PDGFC: variants seen among roughly 807,000 people sequenced by gnomAD.
The protein encoded by PDGFC is platelet-derived growth factor C.
Under a neutral mutation model 35.5 loss-of-function variants are expected in PDGFC, and 12 were observed. The observed-to-expected ratio is 0.34, with a 90% CI of 0.22 to 0.55. The LOEUF is 0.55. Among genes scored for constraint, PDGFC ranks in the 20% least tolerant of loss-of-function variants. PDGFC has a pLI of 0.91. For missense variants in PDGFC, 322 were observed against 412.4 expected, an observed-to-expected ratio of 0.78 and a Z score of 1.90; for synonymous variants, 159 against 148.8, an observed-to-expected ratio of 1.07 and a Z score of -0.50.
intron 1 of PDGFC, among the ~76,000 whole-genome samples, chr4:156,907,372 A>C (rs1730938954): frequency 6.6e-6 from 1 of 152,220 alleles, no homozygotes; most frequent in African/African-American, 2.4e-5. Flanking sequence ...GCATGCCAAA[A>C]ATGCAAACAA....
At chr4:156,919,372 A>G (rs903780846) in intron 1 of PDGFC, among the ~76,000 whole-genome samples, 2 of 152,212 alleles carry the variant, frequency 1.3e-5, no homozygotes, top group Admixed American at 1.3e-4. Flanking sequence ...GAAATGGGGC[A>G]GTACAAATAA....
chr4:156,822,872 C>G (rs936441759), intron 2 of PDGFC, among the ~76,000 whole-genome samples: 1 of 152,026 alleles, frequency 6.6e-6, no homozygotes. Flanking sequence ...CAGGTTCAAG[C>G]GATTCTCCTG....
intron 5 of PDGFC, among the ~76,000 whole-genome samples, chr4:156,765,066 C>G (rs1223507304): frequency 1.3e-5 from 2 of 152,194 alleles, no homozygotes; most frequent in African/African-American, 4.8e-5. Flanking sequence ...GAATCAAAGT[C>G]TCCTGTCTTT....
At chr4:156,811,100 G>A in intron 2 of PDGFC, 83 bp from the exon 3 acceptor site, 1 of 833,056 alleles carries the variant, frequency 1.2e-6, no homozygotes, top group Non-Finnish European at 1.9e-6. Flanking sequence ...TGGGTGCTAT[G>A]ACTCTACGGA....
intron 1 of PDGFC, among the ~76,000 whole-genome samples, chr4:156,939,795 A>C (rs1048135195): frequency 6.6e-6 from 1 of 152,084 alleles, no homozygotes; most frequent in Non-Finnish European, 1.5e-5. Context: ...GATAATACAA[A>C]ACTTCTAAAA....
chr4:156,832,804 G>A (rs926198940), intron 2 of PDGFC, among the ~76,000 whole-genome samples: 5 of 152,204 alleles, frequency 3.3e-5, no homozygotes, highest in African/African-American at 1.2e-4. Flanking sequence ...ATGTCGGTCT[G>A]CAGGGCCTGC....
At position 156,934,653 on chromosome 4, in the gene PDGFC, T is replaced by G. The variant is rs141747724; in HGVS notation, c.118+36133A>C. On this transcript the variant is annotated intron_variant, in intron 1 of 5. Coordinates refer to ENST00000502773, the MANE Select transcript of PDGFC (RefSeq NM_016205.3). ...TTAACTTGACTCTTTTGCAATAACA[T>G]TTAGTTTAAAATACACATTGCACAA... Among the ~76,000 whole-genome samples, 712 of 152,360 alleles carry G rather than the reference T, an allele frequency of 4.7e-3. 10 individuals carry two copies. Among genetic ancestry groups the G allele is most frequent in the African/African-American group, 0.016 (676 of 41,600 alleles).
intron 1 of PDGFC, among the ~76,000 whole-genome samples, chr4:156,949,396 C>T (rs1412004387): frequency 6.6e-6 from 1 of 151,600 alleles, no homozygotes; most frequent in Non-Finnish European, 1.5e-5. Context: ...TAACCCCATT[C>T]TAGTTGGTCA....
Position 156,763,030 on chromosome 4 carries a change from C to T in PDGFC, c.*60G>A. 1 of 850,476 alleles carries T rather than the reference C, an allele frequency of 1.2e-6. No homozygotes were observed. Among genetic ancestry groups the T allele is most frequent in the Non-Finnish European group, 2.1e-6 (1 of 486,532 alleles). The allele number at this position is 850,476 out of a possible 1,614,324, so 52.7% of individuals were successfully genotyped here. A position where few individuals can be genotyped will look rare whatever the true frequency, so the allele number is the denominator to read the frequency against. On this transcript the variant is annotated 3_prime_UTR_variant, in exon 6 of 6. Transcript: ENST00000502773. ...AGGATGGAGATAACGCATACGTTCT[C>T]TAATAGAATCAGCCACTGCACTGCA...
intron 1 of PDGFC, among the ~76,000 whole-genome samples, chr4:156,947,110 C>T (rs1731967343): frequency 6.6e-6 from 1 of 151,926 alleles, no homozygotes; most frequent in Non-Finnish European, 1.5e-5. Flanking sequence ...AGAGATCGCC[C>T]TCTCATCTGC....
At chr4:156,786,547 G>C (rs908157488) in intron 3 of PDGFC, among the ~76,000 whole-genome samples, 1 of 152,110 alleles carries the variant, frequency 6.6e-6, no homozygotes, top group African/African-American at 2.4e-5. Context: ...GGAATGACAA[G>C]GAGGGGACGC....
chr4:156,787,521 A>AGAGGAG (rs1351146954), intron 3 of PDGFC, among the ~76,000 whole-genome samples: 2 of 152,196 alleles, frequency 1.3e-5, no homozygotes, highest in East Asian at 3.9e-4. Flanking sequence ...TGCTGAGAAG[A>AGAGGAG]GAGGAGACAA....
At chr4:156,815,046 A>C (rs1360186495) in intron 2 of PDGFC, among the ~76,000 whole-genome samples, 1 of 152,140 alleles carries the variant, frequency 6.6e-6, no homozygotes, top group Non-Finnish European at 1.5e-5. Context: ...TATTTATGAC[A>C]GTGCTTTGAA....
chr4:156,944,715 AT>A (rs1731897025), intron 1 of PDGFC, among the ~76,000 whole-genome samples: 1 of 152,118 alleles, frequency 6.6e-6, no homozygotes, highest in Non-Finnish European at 1.5e-5. Context: ...AACAGCTCTC[AT>A]TTCAGAATAA....
At chr4:156,772,490 C>T (rs1188808703) in intron 4 of PDGFC, among the ~76,000 whole-genome samples, 196 bp downstream of exon 4, 2 of 152,050 alleles carry the variant, frequency 1.3e-5, no homozygotes, top group African/African-American at 4.8e-5. Context: ...TTTCCACACC[C>T]ACTGGGTTAT....
rs141391116 is a variant in PDGFC at position 156,773,073 on chromosome 4, C to T, written c.496-180G>A. Among the ~76,000 whole-genome samples the T allele has an allele frequency of 2.2e-3, 342 of 152,234 alleles. 2 individuals carry two copies. The highest frequency in any genetic ancestry group is 7.3e-3 in the African/African-American group (302 of 41,540). ...ATGAAGATGAACTCTGATAGATTTC[C>T]TGTAAAATCAATGAGAAAGACATTA... is the stretch of plus-strand genomic sequence containing the variant. On this transcript the variant is annotated intron_variant, in intron 3 of 5. Transcript: ENST00000502773.
intron 1 of PDGFC, among the ~76,000 whole-genome samples, chr4:156,880,168 A>C (rs1224816644): frequency 6.6e-6 from 1 of 152,182 alleles, no homozygotes; most frequent in Non-Finnish European, 1.5e-5. Context: ...AGTTGGAAGA[A>C]GGTGTCATCT....
intron 2 of PDGFC, among the ~76,000 whole-genome samples, chr4:156,845,176 TA>T (rs1201007822): frequency 6.6e-6 from 1 of 151,842 alleles, no homozygotes; most frequent in Non-Finnish European, 1.5e-5. Context: ...ATAGATATTG[TA>T]AAAATCTTGA....
At chr4:156,778,720 C>A (rs563976764) in intron 3 of PDGFC, among the ~76,000 whole-genome samples, 1 of 152,244 alleles carries the variant, frequency 6.6e-6, no homozygotes, top group African/African-American at 2.4e-5. Flanking sequence ...GTGGCCAGTG[C>A]AATTTTAAAA....
Sources: gnomAD v4.1 joint callset for allele counts (sites outside exome capture counted in the v4.1 genomes callset) on GRCh38, gnomAD v4.1.1 for gene constraint, MANE v1.5 for transcripts, NCBI Gene and HGNC (gene_info 2026-07-23, HGNC 2026-07-21) for gene names.